PTPRN2: variants seen among roughly 807,000 people sequenced by gnomAD.
PTPRN2 encodes protein tyrosine phosphatase receptor type N2.
In PTPRN2, 74 loss-of-function variants were observed where a neutral mutation model predicts 118.8. The ratio of observed to expected loss-of-function variants is 0.62; its 90% confidence interval spans 0.52 to 0.76. The LOEUF (loss-of-function observed/expected upper bound fraction) is 0.76, where lower values mean the gene tolerates loss of function less well. Among genes scored for constraint, PTPRN2 ranks in the 30% least tolerant of loss-of-function variants. PTPRN2 has a pLI of 0.00. For missense variants in PTPRN2, 1,481 were observed against 1,394.4 expected (o/e 1.06, Z -0.99); for synonymous variants, 641 against 608.0 (o/e 1.05, Z -0.80).
intron 12 of PTPRN2, among the ~76,000 whole-genome samples, chr7:157,818,420 T>C (rs1185537605): frequency 6.6e-6 from 1 of 152,018 alleles, no homozygotes. Flanking sequence ...GGGAGCTGGA[T>C]CAATAATCTG....
At chr7:157,601,669 G>A (rs1012144459) in intron 16 of PTPRN2, among the ~76,000 whole-genome samples, 9 of 152,384 alleles carry the variant, frequency 5.9e-5, no homozygotes, top group African/African-American at 1.7e-4. Context: ...CACAGTTGCT[G>A]CACTGGGCAC....
At chr7:158,412,828 T>A (rs1210055599) in intron 2 of PTPRN2, among the ~76,000 whole-genome samples, 40 of 73,520 alleles carry the variant, frequency 5.4e-4, no homozygotes, top group South Asian at 1.6e-3. Context: ...CCTCCTCAGC[T>A]CCAGGGCCCA....
At chr7:157,870,798 C>A (rs1040438972) in intron 12 of PTPRN2, among the ~76,000 whole-genome samples, 19 of 152,242 alleles carry the variant, frequency 1.2e-4, no homozygotes, top group African/African-American at 4.3e-4. Context: ...TGGCCTCGTG[C>A]CAGCCTCCCG....
At chr7:158,557,359 G>A (rs1420467951) in intron 1 of PTPRN2, among the ~76,000 whole-genome samples, 3 of 150,898 alleles carry the variant, frequency 2.0e-5, no homozygotes, top group Non-Finnish European at 3.0e-5. Context: ...CGGCTCCCAC[G>A]CAGGTCAGGC....
intron 10 of PTPRN2, among the ~76,000 whole-genome samples, chr7:158,107,664 C>T (rs1042846243): frequency 6.6e-6 from 1 of 152,168 alleles, no homozygotes; most frequent in Non-Finnish European, 1.5e-5. Context: ...TACCCTCATC[C>T]TTGAAGCTGC....
intron 4 of PTPRN2, among the ~76,000 whole-genome samples, chr7:158,194,588 G>A (rs1203453666): frequency 2.6e-5 from 4 of 152,228 alleles, no homozygotes; most frequent in Non-Finnish European, 1.5e-5. Context: ...CAAGACTCAG[G>A]CCTCCCTCAT....
intron 2 of PTPRN2, among the ~76,000 whole-genome samples, chr7:158,349,803 G>C (rs571411318): frequency 1.7e-4 from 23 of 132,028 alleles, no homozygotes; most frequent in South Asian, 2.8e-4. Flanking sequence ...CCTGAGGGCA[G>C]TGCTGAGGGT....
chr7:157,621,541 C>G (rs766568826), intron 14 of PTPRN2, 32 bp from the exon 15 acceptor site: 1 of 1,607,492 alleles, frequency 6.2e-7, no homozygotes, highest in Non-Finnish European at 8.5e-7. Flanking sequence ...AGGAGCGCAC[C>G]TAGGTGGTGA....
At chr7:158,040,730 T>C (rs947321998) in intron 11 of PTPRN2, among the ~76,000 whole-genome samples, 2 of 115,140 alleles carry the variant, frequency 1.7e-5, no homozygotes, top group African/African-American at 6.7e-5. Flanking sequence ...CTTTCTTTTT[T>C]TCTTTCTTTT....
rs1273414232 is a variant in PTPRN2 at position 158,385,049 on chromosome 7, C to T, written c.164-68117G>A. Among the ~76,000 whole-genome samples the T allele has an allele frequency of 3.9e-5, 6 of 152,308 alleles. No homozygotes were observed. In the South Asian group the frequency reaches 1.0e-3, roughly 26 times the overall value. On this transcript the variant is annotated intron_variant, in intron 2 of 22. Coordinates refer to ENST00000389418, the MANE Select transcript of PTPRN2 (RefSeq NM_002847.5). Reference sequence around the variant, plus strand: ...GTGTGACTTCCATTCAGTGCATCAACGTCCCCTAATGGAGTTTCTGATGTT... The same window carrying T: ...GTGTGACTTCCATTCAGTGCATCAATGTCCCCTAATGGAGTTTCTGATGTT...
chr7:157,548,962 C>A lies in PTPRN2; in HGVS notation c.2960G>T (p.Gly987Val). The A allele has an allele frequency of 1.2e-6, 2 of 1,614,176 alleles. No homozygotes were observed. The highest frequency in any genetic ancestry group is 2.2e-5 in the South Asian group (2 of 91,086). Reference protein sequence around the residue: ...TLEHLRDQRPGMVQTKEQFEF... With the variant: ...TLEHLRDQRPVMVQTKEQFEF... Reference sequence around the variant, plus strand: ...TGACAGTACCTTCGTCTGGACCATGCCGGGTCTCTGGTCCCTCAAGTGCTC... The same window carrying A: ...TGACAGTACCTTCGTCTGGACCATGACGGGTCTCTGGTCCCTCAAGTGCTC... Residue 987 changes from glycine (G) to valine (V), a missense_variant, in exon 22 of 23, where the codon GGC (glycine) becomes GTC (valine). By Grantham distance (109) the Gly-to-Val change is moderately radical (BLOSUM62 -3). Transcript: ENST00000389418.
chr7:157,842,372 A>AGG (rs144374213), intron 12 of PTPRN2, among the ~76,000 whole-genome samples: 20,631 of 149,550 alleles, frequency 0.14, 1,750 homozygotes, highest in African/African-American at 0.24. Context: ...ATGGTACAAA[A>AGG]GGGGCTCAAA....
intron 12 of PTPRN2, among the ~76,000 whole-genome samples, chr7:157,713,261 C>G (rs1353944262): frequency 1.3e-5 from 2 of 152,090 alleles, no homozygotes; most frequent in African/African-American, 4.8e-5. Context: ...TTTACTCAAC[C>G]CAATGACGCA....
intron 2 of PTPRN2, among the ~76,000 whole-genome samples, chr7:158,487,788 C>A (rs989677452): frequency 1.3e-5 from 2 of 152,124 alleles, no homozygotes; most frequent in African/African-American, 4.8e-5. Flanking sequence ...TATCGCTCCC[C>A]GTCAGCCTCG....
At chr7:157,973,158 C>G (rs180862719) in intron 11 of PTPRN2, among the ~76,000 whole-genome samples, 1 of 152,164 alleles carries the variant, frequency 6.6e-6, no homozygotes, top group Non-Finnish European at 1.5e-5. Flanking sequence ...CCATGAGATG[C>G]CCTGGAGCAG....
At chr7:157,666,554 A>T (rs576857502) in intron 13 of PTPRN2, among the ~76,000 whole-genome samples, 5 of 151,832 alleles carry the variant, frequency 3.3e-5, no homozygotes, top group Admixed American at 1.3e-4. Flanking sequence ...TGGCAAAAAA[A>T]GCAAGCCAAG....
intron 2 of PTPRN2, among the ~76,000 whole-genome samples, chr7:158,439,225 T>C (rs1046541693): frequency 6.6e-6 from 1 of 152,096 alleles, no homozygotes; most frequent in African/African-American, 2.4e-5. Flanking sequence ...CCCGACCACC[T>C]CGGGCACATG....
intron 2 of PTPRN2, among the ~76,000 whole-genome samples, chr7:158,440,167 G>A (rs1003503217): frequency 6.6e-6 from 1 of 152,232 alleles, no homozygotes; most frequent in African/African-American, 2.4e-5. Context: ...TAAAGGTAGA[G>A]ACTCATGCTC....
rs1170816291 is a variant in PTPRN2, at chr7:158,340,388, C to A, written c.164-23456G>T. Among the ~76,000 whole-genome samples, 8 of 90,672 alleles carry A rather than the reference C, an allele frequency of 8.8e-5. No individual in the cohort carries two copies. In the East Asian group the frequency reaches 2.7e-3, roughly 30 times the overall value. 59.5% of individuals were successfully genotyped at this position (90,672 alleles called of 152,430 possible). A position where few individuals can be genotyped will look rare whatever the true frequency, so the allele number is the denominator to read the frequency against. ...GAGGTCACTCACACCCATACTCTCACCATAAGAGCTGACACCCGCAGACGT... is the reference window on the plus strand; with the variant it reads ...GAGGTCACTCACACCCATACTCTCAACATAAGAGCTGACACCCGCAGACGT... On this transcript the variant is annotated intron_variant, in intron 2 of 22. Coordinates refer to ENST00000389418, the MANE Select transcript of PTPRN2 (RefSeq NM_002847.5).
Sources: allele counts gnomAD v4.1 joint callset (sites outside exome capture counted in the v4.1 genomes callset), GRCh38; gene constraint gnomAD v4.1.1; transcripts MANE v1.5; gene names NCBI Gene and HGNC (gene_info 2026-07-23, HGNC 2026-07-21).